NFIX: variants seen among roughly 807,000 people sequenced by gnomAD.
NFIX encodes the protein nuclear factor I X.
In NFIX, 2 loss-of-function variants were observed where a neutral mutation model predicts 53.3. The ratio of observed to expected loss-of-function variants is 0.04; its 90% CI spans 0.02 to 0.12. The LOEUF is 0.12. NFIX is among the 10% of genes least tolerant of loss of function. The probability of loss-of-function intolerance (pLI) is 1.00; values close to 1 mark genes in which losing one functional copy is unlikely to be tolerated. For synonymous variants in NFIX, 244 were observed against 289.0 expected, an observed-to-expected ratio of 0.84 and a Z score of 1.58; for missense variants, 310 against 674.5, an observed-to-expected ratio of 0.46 and a Z score of 5.99.
intron 2 of NFIX, among the ~76,000 whole-genome samples, chr19:13,061,320 G>A (rs1311561617): frequency 1.3e-5 from 2 of 152,218 alleles, no homozygotes; most frequent in South Asian, 2.1e-4. Context: ...CTCATATCAC[G>A]GGATGTGTTT....
rs1476771404 is a variant in NFIX at position 13,068,858 on chromosome 19, C to T, written c.560-4189C>T. On this transcript the variant is annotated intron_variant, in intron 2 of 10. Coordinates refer to ENST00000592199, the MANE Select transcript of NFIX (RefSeq NM_001365902.3). This position sits in a 1 kb window ranked among gnomAD's most constrained non-coding sequence, Gnocchi z 4.2. ...CAGAGAAGGACAGCCCGCAGAGCTG[C>T]GTGTTTGTGTGACACGAGCCAGCCT... Among the ~76,000 whole-genome samples the T allele has an allele frequency of 1.1e-4, 16 of 152,228 alleles. No individual in the cohort carries two copies. The highest frequency in any genetic ancestry group is 7.2e-4 in the Admixed American group (11 of 15,288).
intron 8 of NFIX, among the ~76,000 whole-genome samples, chr19:13,085,226 G>C (rs1214356532): frequency 2.0e-5 from 3 of 152,208 alleles, no homozygotes; most frequent in African/African-American, 7.2e-5. Flanking sequence ...ATGCCAGCCT[G>C]GTTGGAAGTT....
rs1485394621 is a variant in NFIX at position 13,096,830 on chromosome 19, C to G, written c.*2181C>G. On this transcript the variant is annotated 3_prime_UTR_variant, in exon 11 of 11. Transcript: ENST00000592199. ...TCGGAAGCTGCAGGCCAGCTGGGCC[C>G]GGGCCGGAGCGTGCCCGGCGGGGCT... 1 of 150,610 alleles carries G rather than the reference C, an allele frequency of 6.6e-6. No homozygotes were observed. Among genetic ancestry groups the G allele is most frequent in the African/African-American group, 2.4e-5 (1 of 40,884 alleles). The allele number at this position is 150,610 out of a possible 1,614,324, so 9.3% of individuals were successfully genotyped here.
intron 2 of NFIX, chr19:13,070,259 A>G (rs993534225): frequency 1.3e-5 from 2 of 152,430 alleles, no homozygotes; most frequent in Non-Finnish European, 2.9e-5. Context: ...CAGGGTGCTC[A>G]GAGACCTTCC....
chr19:13,089,493 C>G lies in NFIX; in HGVS notation c.1403-806C>G, dbSNP rs1346958839. On this transcript the variant is annotated intron_variant, in intron 9 of 10. Transcript: ENST00000592199. The surrounding 1 kb of genome is among the most constrained non-coding windows in gnomAD (Gnocchi z 4.8). ...CTGAGCCCTAGGGCTCTGCCAGGCTCTCCAGCCTCCTCCTCCTCTATTGCC... is the reference window on the plus strand; with the variant it reads ...CTGAGCCCTAGGGCTCTGCCAGGCTGTCCAGCCTCCTCCTCCTCTATTGCC... Among the ~76,000 whole-genome samples the G allele has an allele frequency of 6.6e-6, 1 of 152,206 alleles. No individual in the cohort carries two copies. Among genetic ancestry groups the G allele is most frequent in the Non-Finnish European group, 1.5e-5 (1 of 68,018 alleles).
chr19:13,049,291 T>G lies in NFIX; in HGVS notation c.559+23739T>G, dbSNP rs995133477. Reference sequence around the variant, plus strand: ...AAAAATAAAAAAATAAACTAAAAATTAAGCATAGGATTCAGTGCCATTTAG... The same window carrying G: ...AAAAATAAAAAAATAAACTAAAAATGAAGCATAGGATTCAGTGCCATTTAG... On this transcript the variant is annotated intron_variant, in intron 2 of 10. Transcript: ENST00000592199. The surrounding 1 kb of genome is among the most constrained non-coding windows in gnomAD (Gnocchi z 4.5). Among the ~76,000 whole-genome samples, 4 of 152,034 alleles carry G rather than the reference T, an allele frequency of 2.6e-5. No individual in the cohort carries two copies. Among genetic ancestry groups the G allele is most frequent in the Non-Finnish European group, 5.9e-5 (4 of 68,004 alleles).
chr19:13,023,853 G>C, intron 1 of NFIX: 1 of 590,568 alleles, frequency 1.7e-6, no homozygotes, highest in East Asian at 2.9e-5. Flanking sequence ...AAGGGTTTGA[G>C]AATCCACCCA....
chr19:13,049,018 A>G lies in NFIX; in HGVS notation c.559+23466A>G, dbSNP rs1408947587. Among the ~76,000 whole-genome samples the G allele has an allele frequency of 1.3e-5, 2 of 152,184 alleles. No individual in the cohort carries two copies. The highest frequency in any genetic ancestry group is 6.5e-5 in the Admixed American group (1 of 15,276). ...CTTGAGCTCAGGAGGCAGAGGTTGC[A>G]GTGAGACAAGATCGCGTCACTGTAC... On this transcript the variant is annotated intron_variant, in intron 2 of 10. Coordinates refer to ENST00000592199, the MANE Select transcript of NFIX (RefSeq NM_001365902.3). This position sits in a 1 kb window ranked among gnomAD's most constrained non-coding sequence, Gnocchi z 4.5.
rs1238847792 is a variant in NFIX at position 13,028,330 on chromosome 19, TTTC to T, written c.559+2781_559+2783del. ...GGACTCTGAAATAAGTGTTTTTCCTTTTCTTAAGACAGGGCTGAAGAGCCAGAT... is the reference window on the plus strand; with the variant it reads ...GGACTCTGAAATAAGTGTTTTTCCTTTTAAGACAGGGCTGAAGAGCCAGAT... On this transcript the variant is annotated intron_variant, in intron 2 of 10. Coordinates refer to ENST00000592199, the MANE Select transcript of NFIX (RefSeq NM_001365902.3). The surrounding 1 kb of genome is among the most constrained non-coding windows in gnomAD (Gnocchi z 4.2). Among the ~76,000 whole-genome samples the T allele has an allele frequency of 6.6e-6, 1 of 152,146 alleles. No individual in the cohort carries two copies. The highest frequency in any genetic ancestry group is 1.9e-4 in the East Asian group (1 of 5,196).
intron 2 of NFIX, among the ~76,000 whole-genome samples, chr19:13,055,075 T>C (rs2015569485): frequency 6.8e-6 from 1 of 146,318 alleles, no homozygotes; most frequent in African/African-American, 2.5e-5. Context: ...TCCCCCGCTC[T>C]CCTAATAATC....
rs948473899 is a variant in NFIX at position 13,001,086 on chromosome 19, C to T, written c.27+5222C>T. On this transcript the variant is annotated intron_variant, in intron 1 of 10. Coordinates refer to ENST00000592199, the MANE Select transcript of NFIX (RefSeq NM_001365902.3). The surrounding 1 kb of genome is among the most constrained non-coding windows in gnomAD (Gnocchi z 6.5). Reference sequence around the variant, plus strand: ...CTGAGAATGGGCCTTCTGTCCCCTCCCTCCCAGCTGGGGTGGGGAAAAGGA... The same window carrying T: ...CTGAGAATGGGCCTTCTGTCCCCTCTCTCCCAGCTGGGGTGGGGAAAAGGA... 6.6e-6 allele frequency among the ~76,000 whole-genome samples: 1 copy of T among 152,178 alleles called. No homozygotes were observed. Among genetic ancestry groups the T allele is most frequent in the African/African-American group, 2.4e-5 (1 of 41,434 alleles).
chr19:13,087,898 C>G, intron 8 of NFIX, 91 bp from the exon 9 acceptor site: 2 of 1,479,720 alleles, frequency 1.4e-6, no homozygotes, highest in Non-Finnish European at 1.8e-6. Context: ...GGAGCGCCCG[C>G]TCTCAGGAGC....
intron 1 of NFIX, chr19:13,024,398 C>T (rs917959982): frequency 2.3e-6 from 2 of 857,736 alleles, no homozygotes; most frequent in African/African-American, 3.7e-5. Context: ...GTGGATGTTC[C>T]AACTGGATCA....
chr19:13,013,861 T>C lies in NFIX; in HGVS notation c.28-11160T>C, dbSNP rs1327579399. On this transcript the variant is annotated intron_variant, in intron 1 of 10. Transcript: ENST00000592199. The surrounding 1 kb of genome is among the most constrained non-coding windows in gnomAD (Gnocchi z 5.9). Reference sequence around the variant, plus strand: ...ACCCTGGCGTGGGGCACCTGAGATCTCCGCCACTGAAAAGGCGCTATAGAA... The same window carrying C: ...ACCCTGGCGTGGGGCACCTGAGATCCCCGCCACTGAAAAGGCGCTATAGAA... 1 of 152,162 alleles carries C rather than the reference T, an allele frequency of 6.6e-6. No homozygotes were observed. Among genetic ancestry groups the C allele is most frequent in the Non-Finnish European group, 1.5e-5 (1 of 68,034 alleles). The allele number at this position is 152,162 out of a possible 1,614,324, so 9.4% of individuals were successfully genotyped here.
At chr19:13,020,595 A>G (rs1457935327) in intron 1 of NFIX, among the ~76,000 whole-genome samples, 1 of 152,130 alleles carries the variant, frequency 6.6e-6, no homozygotes, top group Non-Finnish European at 1.5e-5. Flanking sequence ...CTGGCAGGAG[A>G]AGGACAATTG....
Position 13,096,028 on chromosome 19 carries a change from A to C in NFIX, c.*1379A>C, listed in dbSNP as rs2018427435. On this transcript the variant is annotated 3_prime_UTR_variant, in exon 11 of 11. Transcript: ENST00000592199. ...TCCCCCCCAGCCCCCTCCTCCCTCA[A>C]GGGAGGGTTGGGGGGCCTGTCCAGA... 6.6e-6 allele frequency: 1 copy of C among 152,214 alleles called. No homozygotes were observed. The highest frequency in any genetic ancestry group is 1.5e-5 in the Non-Finnish European group (1 of 68,010). 9.4% of individuals were successfully genotyped at this position (152,214 alleles called of 1,614,324 possible). A position where few individuals can be genotyped will look rare whatever the true frequency, so the allele number is the denominator to read the frequency against.
intron 1 of NFIX, chr19:13,024,394 G>C (rs938607654): frequency 1.2e-6 from 1 of 824,658 alleles, no homozygotes; most frequent in Admixed American, 6.2e-5. Flanking sequence ...TGGGGTGGAT[G>C]TTCCAACTGG....
At chr19:13,032,124 AGTGGAG>A (rs1469628370) in intron 2 of NFIX, among the ~76,000 whole-genome samples, 1 of 152,118 alleles carries the variant, frequency 6.6e-6, no homozygotes, top group Non-Finnish European at 1.5e-5. Flanking sequence ...TTCATTTGCC[AGTGGAG>A]GGGGAGGGGG....
chr19:13,026,744 CTGTG>C (rs201026735), intron 2 of NFIX, among the ~76,000 whole-genome samples: 104 of 150,006 alleles, frequency 6.9e-4, no homozygotes, highest in Admixed American at 6.2e-3. Flanking sequence ...CTCTCTCTCT[CTGTG>C]TGTGTGTGTG....
Sources: allele counts gnomAD v4.1 joint callset (sites outside exome capture counted in the v4.1 genomes callset), GRCh38; gene constraint gnomAD v4.1.1; non-coding constraint Gnocchi (gnomAD v3.1); transcripts MANE v1.5; gene names NCBI Gene and HGNC (gene_info 2026-07-23, HGNC 2026-07-21).